The following STX12 variants were observed in gnomAD, a reference collection of about 807,000 sequenced individuals.
STX12 encodes syntaxin-12.
A neutral mutation model predicts 42.2 loss-of-function variants in STX12; 17 were observed. That is an observed-to-expected ratio of 0.40 (90% CI 0.28 to 0.60). The LOEUF is 0.60. STX12 is among the 20% of genes least tolerant of loss of function. The probability of loss-of-function intolerance (pLI) is 0.39; values close to 1 mark genes in which losing one functional copy is unlikely to be tolerated. For synonymous variants in STX12, 108 were observed against 116.7 expected (o/e 0.93, Z 0.48); for missense variants, 297 against 330.9 (o/e 0.90, Z 0.79).
chr1:27,786,437 C>T (rs564745637), intron 1 of STX12, among the ~76,000 whole-genome samples: 3 of 152,316 alleles, frequency 2.0e-5, no homozygotes, highest in Admixed American at 2.0e-4. Flanking sequence ...GTCACTTCAG[C>T]TCTTAACTGA....
At chr1:27,812,732 C>G (rs2088912535) in intron 6 of STX12, among the ~76,000 whole-genome samples, 1 of 151,978 alleles carries the variant, frequency 6.6e-6, no homozygotes, top group African/African-American at 2.4e-5. Context: ...TGAGTCACCG[C>G]TCCTGGCATG....
At chr1:27,815,863 C>G (rs552831305) in intron 6 of STX12, among the ~76,000 whole-genome samples, 54 of 152,256 alleles carry the variant, frequency 3.5e-4, no homozygotes, top group African/African-American at 1.3e-3. Context: ...CTTTCTTCTG[C>G]CTGATCATGA....
chr1:27,781,707 C>G (rs2148597203), intron 1 of STX12, among the ~76,000 whole-genome samples: 1 of 152,160 alleles, frequency 6.6e-6, no homozygotes, highest in Non-Finnish European at 1.5e-5. Context: ...TTAATTCAAG[C>G]TTTTTGATAT....
At chr1:27,802,415 T>C (rs1385260707) in intron 4 of STX12, among the ~76,000 whole-genome samples, 1 of 152,156 alleles carries the variant, frequency 6.6e-6, no homozygotes, top group East Asian at 1.9e-4. Context: ...TAAGAGACTA[T>C]ATCCTTAGAA....
rs574359778 is a variant in STX12, at chr1:27,773,240, C to T, written c.-68C>T. The T allele has an allele frequency of 1.2e-5, 13 of 1,042,156 alleles. No individual in the cohort carries two copies. The East Asian group carries it at 2.6e-4, about 21-fold the overall frequency. 64.6% of individuals were successfully genotyped at this position (1,042,156 alleles called of 1,614,324 possible). ...TCTTCCCAGTTTCTCCGTCAGCCTG[C>T]GGGTCCCGGCTGGCGGCTGCTTCCG... On this transcript the variant is annotated 5_prime_UTR_variant, in exon 1 of 9. Transcript: ENST00000373943.
intron 4 of STX12, among the ~76,000 whole-genome samples, chr1:27,808,219 C>A (rs2088877763): frequency 4.0e-5 from 6 of 151,818 alleles, no homozygotes; most frequent in Admixed American, 3.3e-4. Context: ...ATTTGAAATT[C>A]TTTTCATTTT....
rs1470112536 is a variant in STX12 at position 27,822,349 on chromosome 1, C to T, written c.*20C>T. ...AAGTGATTGCCTCCGATCGTTCTCC[C>T]GCTGAGCTGTTTTCAAGGGCAAGTG... On this transcript the variant is annotated 3_prime_UTR_variant, in exon 9 of 9. Coordinates refer to ENST00000373943, the MANE Select transcript of STX12 (RefSeq NM_177424.3). The T allele has an allele frequency of 7.3e-6, 11 of 1,514,448 alleles. No individual in the cohort carries two copies. Among genetic ancestry groups the T allele is most frequent in the South Asian group, 2.2e-5 (2 of 89,078 alleles). The allele number at this position is 1,514,448 out of a possible 1,614,324, so 93.8% of individuals were successfully genotyped here.
intron 1 of STX12, among the ~76,000 whole-genome samples, chr1:27,782,448 A>G (rs2088673848): frequency 6.6e-6 from 1 of 152,166 alleles, no homozygotes; most frequent in African/African-American, 2.4e-5. Flanking sequence ...GCATATTCTG[A>G]AACTGGTATG....
Position 27,817,089 on chromosome 1 carries a change from G to T in STX12, c.577-762G>T, listed in dbSNP as rs550417547. On this transcript the variant is annotated intron_variant, in intron 6 of 8. Transcript: ENST00000373943. ...AAGGAAAGAAGGAAGGAAAGAAAAG[G>T]AAGAAAAAAGAAAGGGAGGGAGAGA... Among the ~76,000 whole-genome samples the T allele has an allele frequency of 2.0e-5, 3 of 148,250 alleles. No homozygotes were observed. In the East Asian group the frequency reaches 6.1e-4, roughly 30 times the overall value.
intron 4 of STX12, among the ~76,000 whole-genome samples, chr1:27,802,282 T>C (rs1360095346): frequency 6.6e-6 from 1 of 152,184 alleles, no homozygotes; most frequent in Non-Finnish European, 1.5e-5. Context: ...ATGTCTTTAC[T>C]GAAGGCAAAC....
In STX12 at chr1:27,792,230, A is replaced by G. The variant is rs190991921; in HGVS notation, c.189-1303A>G. Among the ~76,000 whole-genome samples the G allele has an allele frequency of 5.6e-3, 753 of 135,342 alleles. 10 individuals carry two copies. The highest frequency in any genetic ancestry group is 7.8e-3 in the Non-Finnish European group (499 of 63,888). 88.8% of individuals were successfully genotyped at this position (135,342 alleles called of 152,430 possible). A position where few individuals can be genotyped will look rare whatever the true frequency, so the allele number is the denominator to read the frequency against. Reference sequence around the variant, plus strand: ...TATATGTATCTATATATATGTATATACATATATATGTATCTATATATATGT... The same window carrying G: ...TATATGTATCTATATATATGTATATGCATATATATGTATCTATATATATGT... On this transcript the variant is annotated intron_variant, in intron 2 of 8. Transcript: ENST00000373943.
At chr1:27,801,657 G>A (rs950424111) in intron 3 of STX12, 21 bp from the exon 4 acceptor site, 3 of 1,474,538 alleles carry the variant, frequency 2.0e-6, no homozygotes, top group African/African-American at 2.9e-5. Flanking sequence ...GAAATCTCAA[G>A]TTCTTGCTTG....
In STX12 at chr1:27,812,253, AAT is replaced by A; in HGVS notation, c.562_563del (p.Ile188SerfsTer6). On this transcript the variant is annotated frameshift_variant, in exon 6 of 9. Coordinates refer to ENST00000373943, the MANE Select transcript of STX12 (RefSeq NM_177424.3). LOFTEE classifies it high-confidence loss of function. Reference protein sequence around the residue: ...LELIKERETAIRQLEADILDV... With the variant: ...LELIKERETAXRQLEADILDV... ...AACTTATTAAAGAAAGAGAAACGGCAATTCGGCAGCTGGAGGTGAGAGCCACG... is the reference window on the plus strand; with the variant it reads ...AACTTATTAAAGAAAGAGAAACGGCATCGGCAGCTGGAGGTGAGAGCCACG... 6.4e-7 allele frequency: 1 copy of A among 1,556,720 alleles called. No homozygotes were observed. Among genetic ancestry groups the A allele is most frequent in the Non-Finnish European group, 8.7e-7 (1 of 1,149,656 alleles).
chr1:27,773,652 GC>G (rs1449707760), intron 1 of STX12, among the ~76,000 whole-genome samples: 1 of 152,130 alleles, frequency 6.6e-6, no homozygotes, highest in Non-Finnish European at 1.5e-5. Flanking sequence ...CTGGAGTTCT[GC>G]CCCCACGGTG....
intron 5 of STX12, 134 bp downstream of exon 5, chr1:27,810,423 A>G: frequency 1.3e-6 from 1 of 767,232 alleles, no homozygotes; most frequent in South Asian, 1.8e-5. Flanking sequence ...CATAATCCAC[A>G]GAATAAAATT....
chr1:27,814,819 C>T (rs2088929248), intron 6 of STX12, among the ~76,000 whole-genome samples: 1 of 141,340 alleles, frequency 7.1e-6, no homozygotes, highest in Admixed American at 7.3e-5. Flanking sequence ...AGCCTGGCAA[C>T]AGAGCGAGAC....
rs144361756 is a variant in STX12 at position 27,784,922 on chromosome 1, A to G, written c.119-4640A>G. Reference sequence around the variant, plus strand: ...ACCCCCACTTCCTCAACCCCTCCCTATCTTTCCACCCCCCAAATTTAGGTC... The same window carrying G: ...ACCCCCACTTCCTCAACCCCTCCCTGTCTTTCCACCCCCCAAATTTAGGTC... On this transcript the variant is annotated intron_variant, in intron 1 of 8. Coordinates refer to ENST00000373943, the MANE Select transcript of STX12 (RefSeq NM_177424.3). Among the ~76,000 whole-genome samples the G allele has an allele frequency of 6.1e-3, 921 of 152,018 alleles. 11 individuals are homozygous for G. Among genetic ancestry groups the G allele is most frequent in the African/African-American group, 0.021 (871 of 41,456 alleles).
chr1:27,812,834 T>C (rs1428640727), intron 6 of STX12, among the ~76,000 whole-genome samples: 1 of 152,180 alleles, frequency 6.6e-6, no homozygotes, highest in Non-Finnish European at 1.5e-5. Flanking sequence ...CCACATCTTA[T>C]TTCTCCTGGA....
intron 2 of STX12, among the ~76,000 whole-genome samples, chr1:27,790,541 ATCC>A (rs2088732912): frequency 6.6e-6 from 1 of 152,162 alleles, no homozygotes; most frequent in Admixed American, 6.5e-5. Context: ...GCATTTTACA[ATCC>A]TCCTGTGAGA....
Sources: gnomAD v4.1 joint callset for allele counts (sites outside exome capture counted in the v4.1 genomes callset) on GRCh38, gnomAD v4.1.1 for gene constraint, MANE v1.5 for transcripts, NCBI Gene and HGNC (gene_info 2026-07-23, HGNC 2026-07-21) for gene names.